The following NLGN1 variants were observed in gnomAD, a reference collection of about 807,000 sequenced individuals.
NLGN1 encodes the protein neuroligin-1.
In NLGN1, 12 loss-of-function variants were observed where a neutral mutation model predicts 65.5. The ratio of observed to expected loss-of-function variants is 0.18; its 90% CI spans 0.12 to 0.30. NLGN1 has a LOEUF of 0.30. Ranked by LOEUF, NLGN1 falls within the 10% of genes least tolerant of loss-of-function variation. NLGN1 has a pLI of 1.00. For synonymous variants in NLGN1, 350 were observed against 359.5 expected, an observed-to-expected ratio of 0.97 and a Z score of 0.30; for missense variants, 750 against 1,007.1, an observed-to-expected ratio of 0.74 and a Z score of 3.46.
intron 2 of NLGN1, among the ~76,000 whole-genome samples, chr3:173,515,135 A>C (rs1420783241): frequency 1.3e-5 from 2 of 152,092 alleles, no homozygotes; most frequent in Non-Finnish European, 2.9e-5. Flanking sequence ...GCGCAAGGGC[A>C]ACAATTTATC....
chr3:173,758,263 A>G (rs987575344), intron 3 of NLGN1, among the ~76,000 whole-genome samples: 1 of 152,054 alleles, frequency 6.6e-6, no homozygotes, highest in African/African-American at 2.4e-5. Context: ...CCCAGCCTCC[A>G]GAACTGTGAG....
intron 4 of NLGN1, among the ~76,000 whole-genome samples, chr3:173,940,079 G>GTTTTTTTTTT (rs1745752029): frequency 1.1e-5 from 1 of 90,078 alleles, no homozygotes; most frequent in African/African-American, 4.9e-5. Flanking sequence ...AATAGTTATA[G>GTTTTTTTTTT]CTTTTTTTTT....
chr3:173,778,294 C>G (rs931745262), intron 3 of NLGN1, among the ~76,000 whole-genome samples: 1 of 151,646 alleles, frequency 6.6e-6, no homozygotes, highest in Non-Finnish European at 1.5e-5. Flanking sequence ...ATAAATTAAC[C>G]AAATGAAGTA....
intron 2 of NLGN1, among the ~76,000 whole-genome samples, chr3:173,597,097 T>C (rs1749611576): frequency 6.6e-6 from 1 of 152,214 alleles, no homozygotes; most frequent in East Asian, 1.9e-4. Context: ...ATTTTCCTTC[T>C]GTTGATATTC....
chr3:173,550,147 T>C (rs1740593114), intron 2 of NLGN1, among the ~76,000 whole-genome samples: 1 of 152,106 alleles, frequency 6.6e-6, no homozygotes, highest in Non-Finnish European at 1.5e-5. Flanking sequence ...TGGCAGCTTG[T>C]TCTAAATTTT....
At chr3:173,820,178 C>CG (rs201944058) in intron 4 of NLGN1, among the ~76,000 whole-genome samples, 4 of 22,868 alleles carry the variant, frequency 1.7e-4, no homozygotes, top group Admixed American at 4.6e-4. Context: ...GATTCAGTCT[C>CG]GAAAAAAAAA....
rs974560955 is a variant in NLGN1, at chr3:173,853,622, A to G, written c.646+45790A>G. Among the ~76,000 whole-genome samples, 4 of 152,016 alleles carry G rather than the reference A, an allele frequency of 2.6e-5. No individual in the cohort carries two copies. The South Asian group carries it at 6.2e-4, about 24-fold the overall frequency. On this transcript the variant is annotated intron_variant, in intron 4 of 6. Coordinates refer to ENST00000457714, the Ensembl canonical transcript of NLGN1. ...ATGGATTGAATTAAACTGGTATACT[A>G]TTTCTTATGTGTGCTTACTAAGTGC...
intron 2 of NLGN1, among the ~76,000 whole-genome samples, chr3:173,519,979 TATC>T (rs1267372574): frequency 1.3e-5 from 2 of 152,154 alleles, no homozygotes; most frequent in African/African-American, 4.8e-5. Flanking sequence ...GGGACGGAGT[TATC>T]ATGAATGGTT....
chr3:173,775,998 C>G (rs769419208), intron 3 of NLGN1, among the ~76,000 whole-genome samples: 18 of 152,184 alleles, frequency 1.2e-4, no homozygotes, highest in Admixed American at 3.9e-4. Context: ...GTATATTATA[C>G]ACACTTTCTA....
At chr3:173,511,917 A>G (rs548239808) in intron 2 of NLGN1, among the ~76,000 whole-genome samples, 2 of 152,114 alleles carry the variant, frequency 1.3e-5, no homozygotes, top group Non-Finnish European at 2.9e-5. Flanking sequence ...TTATAATTAT[A>G]TTGCAGGGTA....
intron 3 of NLGN1, among the ~76,000 whole-genome samples, chr3:173,643,563 T>C (rs982023096): frequency 4.6e-5 from 7 of 152,194 alleles, no homozygotes; most frequent in Admixed American, 2.6e-4. Context: ...CAAAAAGCTG[T>C]CAGCAGTTTG....
chr3:173,943,344 G>A (rs1286498002), intron 4 of NLGN1, among the ~76,000 whole-genome samples: 1 of 151,944 alleles, frequency 6.6e-6, no homozygotes, highest in African/African-American at 2.4e-5. Context: ...CCCCAACATT[G>A]TCCTTGTGGG....
chr3:173,543,097 A>G (rs144914759), intron 2 of NLGN1, among the ~76,000 whole-genome samples: 2 of 152,244 alleles, frequency 1.3e-5, no homozygotes, highest in Non-Finnish European at 2.9e-5. Context: ...AGATGAGGAT[A>G]TGATGTAGCT....
At chr3:173,782,258 C>G (rs762268356) in intron 3 of NLGN1, among the ~76,000 whole-genome samples, 19 of 152,138 alleles carry the variant, frequency 1.2e-4, no homozygotes, top group Non-Finnish European at 2.4e-4. Context: ...CACCTCACAA[C>G]ATTCCTGACA....
At chr3:173,794,928 A>T (rs150017183) in intron 3 of NLGN1, among the ~76,000 whole-genome samples, 107 of 152,198 alleles carry the variant, frequency 7.0e-4, no homozygotes, top group African/African-American at 2.4e-3. Context: ...GCAGAGAAAA[A>T]TTCTCTTTTC....
At chr3:173,545,550 A>T (rs967595394) in intron 2 of NLGN1, among the ~76,000 whole-genome samples, 1 of 152,140 alleles carries the variant, frequency 6.6e-6, no homozygotes, top group Non-Finnish European at 1.5e-5. Context: ...TGGTTTTTTT[A>T]AAAATCTGAG....
At chr3:174,008,307 G>A (rs1264524330) in intron 4 of NLGN1, among the ~76,000 whole-genome samples, 1 of 151,988 alleles carries the variant, frequency 6.6e-6, no homozygotes, top group African/African-American at 2.4e-5. Flanking sequence ...ATGTTACGTA[G>A]GCAAACCTGC....
intron 4 of NLGN1, among the ~76,000 whole-genome samples, chr3:173,899,435 C>A (rs1736930974): frequency 6.6e-6 from 1 of 151,960 alleles, no homozygotes; most frequent in Non-Finnish European, 1.5e-5. Flanking sequence ...TAAACCTTGG[C>A]AATTTTTTAA....
At chr3:173,696,592 A>G (rs1227412124) in intron 3 of NLGN1, among the ~76,000 whole-genome samples, 2 of 152,142 alleles carry the variant, frequency 1.3e-5, no homozygotes, top group African/African-American at 4.8e-5. Flanking sequence ...GTAGACTAAA[A>G]TTTCTAGAAA....
Sources: allele counts gnomAD v4.1 joint callset (sites outside exome capture counted in the v4.1 genomes callset), GRCh38; gene constraint gnomAD v4.1.1; transcripts MANE v1.5; gene names NCBI Gene and HGNC (gene_info 2026-07-23, HGNC 2026-07-21).